The following NEGR1 variants were observed in gnomAD, a reference collection of about 807,000 sequenced individuals.
NEGR1 encodes neuronal growth regulator 1.
Under a neutral mutation model 40.9 loss-of-function variants are expected in NEGR1, and 10 were observed. The ratio of observed to expected loss-of-function variants is 0.24; its 90% CI spans 0.15 to 0.42. NEGR1 has a LOEUF of 0.42. Among genes scored for constraint, NEGR1 ranks in the 10% least tolerant of loss-of-function variants. The probability of loss-of-function intolerance (pLI) is 1.00; values close to 1 mark genes in which losing one functional copy is unlikely to be tolerated. For missense variants in NEGR1, 352 were observed against 438.9 expected (o/e 0.80, Z 1.77); for synonymous variants, 185 against 166.8 (o/e 1.11, Z -0.84).
chr1:71,993,463 A>T (rs571492077), intron 1 of NEGR1, among the ~76,000 whole-genome samples: 2 of 152,318 alleles, frequency 1.3e-5, no homozygotes, highest in Admixed American at 6.5e-5. Context: ...TCATCTATTT[A>T]GTTGACAAAA....
chr1:71,910,818 C>T (rs2101872933), intron 2 of NEGR1, among the ~76,000 whole-genome samples: 1 of 152,244 alleles, frequency 6.6e-6, no homozygotes, highest in Non-Finnish European at 1.5e-5. Flanking sequence ...CCACCTCAGC[C>T]TCCCAAGTAG....
chr1:72,243,403 A>G (rs1195643231), intron 1 of NEGR1, among the ~76,000 whole-genome samples: 1 of 151,860 alleles, frequency 6.6e-6, no homozygotes, highest in Non-Finnish European at 1.5e-5. Context: ...ATAGTACATA[A>G]TCAGGAATTT....
intron 1 of NEGR1, among the ~76,000 whole-genome samples, chr1:72,082,714 C>CAA (rs56286693): frequency 1.4e-4 from 19 of 139,496 alleles, no homozygotes; most frequent in African/African-American, 3.9e-4. Flanking sequence ...AAACAAAAAA[C>CAA]AAAAAAAAAA....
At chr1:71,947,031 T>A (rs1419504626) in intron 1 of NEGR1, among the ~76,000 whole-genome samples, 2 of 148,240 alleles carry the variant, frequency 1.3e-5, no homozygotes, top group Non-Finnish European at 3.0e-5. Flanking sequence ...GAGGTTGCAG[T>A]GAGCTGAGAT....
chr1:71,666,590 T>C (rs898124553), intron 4 of NEGR1, among the ~76,000 whole-genome samples: 2 of 152,154 alleles, frequency 1.3e-5, no homozygotes, highest in Non-Finnish European at 2.9e-5. Flanking sequence ...CATCGCTAAA[T>C]ATTTCAAATC....
intron 6 of NEGR1, among the ~76,000 whole-genome samples, chr1:71,483,242 A>AG (rs1646865931): frequency 6.6e-6 from 1 of 151,770 alleles, no homozygotes; most frequent in Non-Finnish European, 1.5e-5. Flanking sequence ...GAAAAAAAAA[A>AG]TAGAAAATGA....
chr1:72,216,384 CAT>C (rs56819538), intron 1 of NEGR1, among the ~76,000 whole-genome samples: 60,630 of 128,964 alleles, frequency 0.47, 13,497 homozygotes, highest in African/African-American at 0.54. Flanking sequence ...TATATATATA[CAT>C]ATATATATAT....
intron 4 of NEGR1, among the ~76,000 whole-genome samples, chr1:71,697,429 T>C (rs1021644408): frequency 2.6e-5 from 4 of 151,882 alleles, no homozygotes; most frequent in South Asian, 2.1e-4. Flanking sequence ...GGTGGGAGCA[T>C]TGAGGAAAAG....
chr1:71,870,928 A>G (rs1335862097), intron 2 of NEGR1, among the ~76,000 whole-genome samples: 3 of 152,186 alleles, frequency 2.0e-5, no homozygotes, highest in Non-Finnish European at 4.4e-5. Context: ...GCCTTAGCAG[A>G]GTTTTGAAAA....
intron 4 of NEGR1, among the ~76,000 whole-genome samples, chr1:71,631,295 C>A (rs1323768829): frequency 1.3e-5 from 2 of 151,702 alleles, no homozygotes; most frequent in African/African-American, 4.8e-5. Flanking sequence ...TTAGCACATT[C>A]AATAGAGAGC....
chr1:71,467,304 T>G (rs1161489751), intron 6 of NEGR1, among the ~76,000 whole-genome samples: 1 of 152,034 alleles, frequency 6.6e-6, no homozygotes, highest in Non-Finnish European at 1.5e-5. Flanking sequence ...ATTCATTTGC[T>G]AAAGTAGATG....
intron 2 of NEGR1, among the ~76,000 whole-genome samples, chr1:71,839,112 A>G (rs1659144630): frequency 6.6e-6 from 1 of 151,616 alleles, no homozygotes; most frequent in South Asian, 2.1e-4. Context: ...CACTCATCCA[A>G]TAGAAAGAAC....
intron 3 of NEGR1, among the ~76,000 whole-genome samples, chr1:71,714,651 G>A (rs547970806): frequency 1.3e-5 from 2 of 152,188 alleles, no homozygotes; most frequent in East Asian, 3.9e-4. Context: ...AATCCAATAG[G>A]GCAGTCATTA....
chr1:71,432,917 T>C (rs1646479289), intron 6 of NEGR1, among the ~76,000 whole-genome samples: 1 of 152,244 alleles, frequency 6.6e-6, no homozygotes, highest in South Asian at 2.1e-4. Context: ...TTTTTTCTTA[T>C]TAATCTGTCT....
In NEGR1 at chr1:71,407,370, A is replaced by T. The variant is rs1646284839; in HGVS notation, c.*76T>A. ...GCTGATTATATCCCACGCTGCTTTT[A>T]ACAAACTGTACCAGATTGGATCCAG... On this transcript the variant is annotated 3_prime_UTR_variant, in exon 7 of 7. Coordinates refer to ENST00000357731, the MANE Select transcript of NEGR1 (RefSeq NM_173808.3). 1 of 1,437,810 alleles carries T rather than the reference A, an allele frequency of 7.0e-7. No individual in the cohort carries two copies. The highest frequency in any genetic ancestry group is 1.2e-5 in the South Asian group (1 of 80,300). 89.1% of individuals were successfully genotyped at this position (1,437,810 alleles called of 1,614,324 possible).
At chr1:72,020,073 A>G (rs1171285752) in intron 1 of NEGR1, among the ~76,000 whole-genome samples, 1 of 152,222 alleles carries the variant, frequency 6.6e-6, no homozygotes, top group Non-Finnish European at 1.5e-5. Context: ...TAAGATTTAA[A>G]CACTGCATAC....
rs1646218426 is a variant in NEGR1 at position 71,397,252 on chromosome 1, G to T, written c.*10194C>A. On this transcript the variant is annotated 3_prime_UTR_variant, in exon 7 of 7. Transcript: ENST00000357731. Reference sequence around the variant, plus strand: ...TTGAGAGAGGTGATTTAGGATATTTGGAGGAAGAAATTTCTAAGCAGCAAA... The same window carrying T: ...TTGAGAGAGGTGATTTAGGATATTTTGAGGAAGAAATTTCTAAGCAGCAAA... 6.5e-6 allele frequency: 1 copy of T among 153,926 alleles called. No homozygotes were observed. The highest frequency in any genetic ancestry group is 2.4e-5 in the African/African-American group (1 of 41,450). 9.5% of individuals were successfully genotyped at this position (153,926 alleles called of 1,614,324 possible).
At chr1:71,942,426 T>C (rs1320101704) in intron 1 of NEGR1, among the ~76,000 whole-genome samples, 4 of 125,466 alleles carry the variant, frequency 3.2e-5, no homozygotes, top group African/African-American at 8.6e-5. Flanking sequence ...TTAGTTTTAC[T>C]TTAATGCACA....
intron 1 of NEGR1, among the ~76,000 whole-genome samples, chr1:72,252,248 G>A (rs1172320708): frequency 6.6e-6 from 1 of 151,816 alleles, no homozygotes; most frequent in Non-Finnish European, 1.5e-5. Flanking sequence ...TTCTCCATGT[G>A]GGTCAGGCTG....
Sources: gnomAD v4.1 joint callset for allele counts (sites outside exome capture counted in the v4.1 genomes callset) on GRCh38, gnomAD v4.1.1 for gene constraint, MANE v1.5 for transcripts, NCBI Gene and HGNC (gene_info 2026-07-23, HGNC 2026-07-21) for gene names.